The following PLD5 variants were observed in gnomAD, a reference collection of about 807,000 sequenced individuals.
PLD5 encodes inactive phospholipase D5.
A neutral mutation model predicts 61.1 loss-of-function variants in PLD5; 36 were observed. That is an observed-to-expected ratio of 0.59 (90% CI 0.45 to 0.78). PLD5 has a LOEUF of 0.78. Ranked by LOEUF, PLD5 falls within the 30% of genes least tolerant of loss-of-function variation. The pLI, the probability that PLD5 is intolerant of heterozygous loss-of-function variation, is 0.00. For synonymous variants in PLD5, 243 were observed against 242.8 expected, an observed-to-expected ratio of 1.00 and a Z score of -0.01; for missense variants, 515 against 644.4, an observed-to-expected ratio of 0.80 and a Z score of 2.17.
Position 242,163,255 on chromosome 1 carries a change from T to C in PLD5, c.736-38590A>G, listed in dbSNP as rs538176292. On this transcript the variant is annotated intron_variant, in intron 5 of 9. Coordinates refer to ENST00000536534, the MANE Select transcript of PLD5 (RefSeq NM_001372062.1). ...GCCTCCCGGGTTCATGCCATTCTCCTGCCTCAGCCTCCCGAGTAGCTGGGA... is the reference window on the plus strand; with the variant it reads ...GCCTCCCGGGTTCATGCCATTCTCCCGCCTCAGCCTCCCGAGTAGCTGGGA... 2.7e-5 allele frequency among the ~76,000 whole-genome samples: 4 copies of C among 149,366 alleles called. No homozygotes were observed. The East Asian group carries it at 7.8e-4, about 29-fold the overall frequency.
intron 1 of PLD5, among the ~76,000 whole-genome samples, chr1:242,483,991 A>C (rs183610233): frequency 6.6e-6 from 1 of 152,102 alleles, no homozygotes; most frequent in Non-Finnish European, 1.5e-5. Context: ...GGCAGAAATA[A>C]AGATGTTCTT....
At chr1:242,223,815 C>T (rs1051899621) in intron 4 of PLD5, among the ~76,000 whole-genome samples, 5 of 150,408 alleles carry the variant, frequency 3.3e-5, no homozygotes, top group African/African-American at 1.2e-4. Context: ...AAGACATATG[C>T]TTTTATCTTT....
chr1:242,381,222 A>G (rs1409935688), intron 1 of PLD5, among the ~76,000 whole-genome samples: 1 of 152,230 alleles, frequency 6.6e-6, no homozygotes, highest in African/African-American at 2.4e-5. Context: ...GCAGTCATAA[A>G]AAGGAACAAG....
intron 1 of PLD5, among the ~76,000 whole-genome samples, chr1:242,393,745 T>C (rs564447050): frequency 2.7e-5 from 4 of 147,816 alleles, no homozygotes; most frequent in Admixed American, 1.4e-4. Flanking sequence ...TATGAGTATA[T>C]ATGTGTGTAT....
intron 9 of PLD5, among the ~76,000 whole-genome samples, chr1:242,095,025 C>T (rs911123723): frequency 6.6e-6 from 1 of 151,866 alleles, no homozygotes; most frequent in Non-Finnish European, 1.5e-5. Flanking sequence ...CAACCTCCAC[C>T]TCCCAGGTTC....
chr1:242,255,088 C>G (rs1672940158), intron 4 of PLD5, among the ~76,000 whole-genome samples: 1 of 152,120 alleles, frequency 6.6e-6, no homozygotes. Context: ...TGACTTCCAT[C>G]TGGGCCATTA....
intron 4 of PLD5, among the ~76,000 whole-genome samples, chr1:242,230,843 G>C (rs1191820751): frequency 6.6e-6 from 1 of 152,046 alleles, no homozygotes; most frequent in Non-Finnish European, 1.5e-5. Context: ...TACAGGTTTG[G>C]ACCTACAAGG....
At chr1:242,377,569 C>T (rs914967291) in intron 1 of PLD5, 7 of 515,600 alleles carry the variant, frequency 1.4e-5, no homozygotes, top group Non-Finnish European at 2.4e-5. Flanking sequence ...TAGATAGAGA[C>T]ATGACCCTGG....
intron 5 of PLD5, among the ~76,000 whole-genome samples, chr1:242,160,471 G>A (rs1423573683): frequency 2.0e-5 from 3 of 152,152 alleles, no homozygotes; most frequent in Non-Finnish European, 2.9e-5. Context: ...TAGAAGGGCA[G>A]AAAATTGGAA....
intron 5 of PLD5, among the ~76,000 whole-genome samples, chr1:242,143,185 G>A (rs1412978239): frequency 4.0e-5 from 6 of 151,836 alleles, no homozygotes; most frequent in African/African-American, 7.3e-5. Context: ...CTGCCACGAC[G>A]CCAGCTATGT....
At chr1:242,351,283 A>C (rs1660464183) in intron 1 of PLD5, among the ~76,000 whole-genome samples, 1 of 152,208 alleles carries the variant, frequency 6.6e-6, no homozygotes, top group South Asian at 2.1e-4. Flanking sequence ...TCAAGAAATA[A>C]TTATTGTATA....
intron 5 of PLD5, among the ~76,000 whole-genome samples, chr1:242,200,693 C>G (rs1179064644): frequency 6.6e-6 from 1 of 151,942 alleles, no homozygotes; most frequent in Non-Finnish European, 1.5e-5. Context: ...GTGGTGTTAA[C>G]TGATGGAATA....
chr1:242,175,576 A>G (rs1389877059), intron 5 of PLD5, among the ~76,000 whole-genome samples: 1 of 152,236 alleles, frequency 6.6e-6, no homozygotes, highest in Non-Finnish European at 1.5e-5. Context: ...CCTATTCAGT[A>G]TAGTATTGGA....
chr1:242,518,524 C>T (rs1486819132), intron 1 of PLD5, among the ~76,000 whole-genome samples: 1 of 152,168 alleles, frequency 6.6e-6, no homozygotes. Flanking sequence ...CAACTACTGC[C>T]ATGTCCCAGA....
rs139793522 is a variant in PLD5 at position 242,136,024 on chromosome 1, A to G, written c.736-11359T>C. Among the ~76,000 whole-genome samples, 420 of 151,952 alleles carry G rather than the reference A, an allele frequency of 2.8e-3. 2 individuals carry two copies. The highest frequency in any genetic ancestry group is 0.016 in the South Asian group (76 of 4,676). On this transcript the variant is annotated intron_variant, in intron 5 of 9. Coordinates refer to ENST00000536534, the MANE Select transcript of PLD5 (RefSeq NM_001372062.1). ...CCTCGGGGTGGGAGGGCGAGGGAGG[A>G]AAGAGCAGCCTGGTCTTTGACTGTT...
rs371764058 is a variant in PLD5 at position 242,105,504 on chromosome 1, G to A, written c.1239+2167C>T. ...CTCCCAAAGTGCTGGGATTATAGGC[G>A]TGAGCCACTGTGCCTGGCCTGTTAG... On this transcript the variant is annotated intron_variant, in intron 8 of 9. Coordinates refer to ENST00000536534, the MANE Select transcript of PLD5 (RefSeq NM_001372062.1). Among the ~76,000 whole-genome samples the A allele has an allele frequency of 5.3e-5, 8 of 151,520 alleles. No homozygotes were observed. In the East Asian group the frequency reaches 7.7e-4, roughly 15 times the overall value.
chr1:242,432,410 T>C (rs1665768975), intron 1 of PLD5, among the ~76,000 whole-genome samples: 6 of 152,222 alleles, frequency 3.9e-5, no homozygotes, highest in Admixed American at 3.3e-4. Flanking sequence ...GGACACTCCT[T>C]GTGAAGTCTA....
At chr1:242,158,557 C>T (rs373453374) in intron 5 of PLD5, among the ~76,000 whole-genome samples, 31 of 152,238 alleles carry the variant, frequency 2.0e-4, no homozygotes, top group South Asian at 1.7e-3. Context: ...AGCTTACCTT[C>T]GGTAGGGGAG....
In PLD5 at chr1:242,370,436, T is replaced by C. The variant is rs541784310; in HGVS notation, c.190-22194A>G. ...GGTGAGGGGTGAGGGGAAAGAGAGA[T>C]GCAGAGAGAGAGAGATGCAGACAGA... On this transcript the variant is annotated intron_variant, in intron 1 of 9. Transcript: ENST00000536534. Among the ~76,000 whole-genome samples, 3 of 151,762 alleles carry C rather than the reference T, an allele frequency of 2.0e-5. No individual in the cohort carries two copies. The South Asian group carries it at 6.2e-4, about 32-fold the overall frequency.
Sources: allele counts gnomAD v4.1 joint callset (sites outside exome capture counted in the v4.1 genomes callset), GRCh38; gene constraint gnomAD v4.1.1; transcripts MANE v1.5; gene names NCBI Gene and HGNC (gene_info 2026-07-23, HGNC 2026-07-21).